The following MTBP variants were observed in gnomAD, a reference collection of about 807,000 sequenced individuals.
The protein encoded by MTBP is mdm2-binding protein.
In MTBP, 101 loss-of-function variants were observed where a neutral mutation model predicts 117.0. That is an observed-to-expected ratio of 0.86 (90% CI 0.73 to 1.02). The LOEUF is 1.02. MTBP is among the 50% of genes least tolerant of loss of function. MTBP has a pLI of 0.00. For missense variants in MTBP, 970 were observed against 1,030.9 expected (o/e 0.94, Z 0.81); for synonymous variants, 350 against 351.5 (o/e 1.00, Z 0.05).
At chr8:120,519,155 G>A (rs1197335333) in intron 20 of MTBP, among the ~76,000 whole-genome samples, 5 of 150,556 alleles carry the variant, frequency 3.3e-5, no homozygotes, top group African/African-American at 1.2e-4. Flanking sequence ...TGCATCCATG[G>A]GTTAACTGCA....
intron 13 of MTBP, 23 bp from the exon 14 acceptor site, chr8:120,497,370 A>G (rs1004846406): frequency 5.7e-6 from 9 of 1,574,014 alleles, no homozygotes; most frequent in Non-Finnish European, 7.7e-6. Flanking sequence ...AAAATAAGTC[A>G]ATTGTATTGA....
chr8:120,489,040 ACTT>A (rs1290579963), intron 12 of MTBP, among the ~76,000 whole-genome samples: 3 of 77,426 alleles, frequency 3.9e-5, no homozygotes, highest in Non-Finnish European at 3.6e-5. Flanking sequence ...GGGCAGACTG[ACTT>A]CTTTTTTTTT....
chr8:120,466,215 T>C (rs1217395451), intron 10 of MTBP, among the ~76,000 whole-genome samples: 3 of 94,530 alleles, frequency 3.2e-5, no homozygotes. Flanking sequence ...TTTACTCTTT[T>C]TTTTTTTTTT....
rs1349841302 is a variant in MTBP at position 120,497,524 on chromosome 8, G to A, written c.1579G>A (p.Asp527Asn). Residue 527 changes from aspartate to asparagine, a missense_variant, in exon 14 of 22, where the codon GAC becomes AAC. Transcript: ENST00000305949. ...VIPKMILRKM[D>N]KIKTFNILND... is the part of the protein sequence containing the mutation. The stretch of plus-strand genomic sequence containing the variant: ...TCCTAAAATGATTCTAAGAAAGATG[G>A]ACAAAATTAAAACCTTCAATATATT... 6.4e-7 allele frequency: 1 copy of A among 1,557,260 alleles called. No homozygotes were observed. The highest frequency in any genetic ancestry group is 8.8e-7 in the Non-Finnish European group (1 of 1,138,126).
chr8:120,473,598 C>A (rs1813869726), intron 11 of MTBP: 2 of 152,054 alleles, frequency 1.3e-5, no homozygotes, highest in Admixed American at 1.3e-4. Flanking sequence ...AGTGTATGAC[C>A]TAACATAGCC....
At chr8:120,468,723 C>A (rs1813751549) in intron 10 of MTBP, among the ~76,000 whole-genome samples, 1 of 152,166 alleles carries the variant, frequency 6.6e-6, no homozygotes, top group Non-Finnish European at 1.5e-5. Context: ...TGCATCTCAT[C>A]GATTTGCTGA....
intron 21 of MTBP, among the ~76,000 whole-genome samples, chr8:120,523,094 G>A (rs1345220419): frequency 6.6e-6 from 1 of 152,118 alleles, no homozygotes; most frequent in African/African-American, 2.4e-5. Flanking sequence ...CATCCAGTGA[G>A]AACATTATTG....
At chr8:120,463,632 T>C (rs1263061983) in intron 9 of MTBP, 60 bp from the exon 10 acceptor site, 1 of 1,305,186 alleles carries the variant, frequency 7.7e-7, no homozygotes, top group Admixed American at 2.2e-5. Flanking sequence ...TGAAACTTAT[T>C]TTAAGGAGTA....
intron 11 of MTBP, chr8:120,472,213 C>G (rs527416258): frequency 6.6e-6 from 1 of 152,176 alleles, no homozygotes; most frequent in East Asian, 1.9e-4. Flanking sequence ...TACAGATTTT[C>G]TATTTTTCTG....
chr8:120,446,631 G>A, intron 2 of MTBP, 118 bp downstream of exon 2: 1 of 647,056 alleles, frequency 1.5e-6, no homozygotes, highest in South Asian at 2.0e-5. Context: ...AAGGCACTGA[G>A]TTACAGAGAT....
intron 13 of MTBP, among the ~76,000 whole-genome samples, chr8:120,491,715 A>G (rs1563798906): frequency 6.6e-6 from 1 of 152,186 alleles, no homozygotes; most frequent in Non-Finnish European, 1.5e-5. Context: ...TTTCCTTGCC[A>G]TATGCCTCTG....
intron 2 of MTBP, among the ~76,000 whole-genome samples, chr8:120,447,548 T>G (rs1440970362): frequency 6.6e-6 from 1 of 152,130 alleles, no homozygotes; most frequent in Non-Finnish European, 1.5e-5. Context: ...ATACACACGG[T>G]CCTTGTTTTG....
chr8:120,511,899 G>T (rs907784854), intron 17 of MTBP, among the ~76,000 whole-genome samples: 4 of 151,918 alleles, frequency 2.6e-5, no homozygotes, highest in Non-Finnish European at 5.9e-5. Flanking sequence ...ATTTTTAACT[G>T]TCACAATATA....
Position 120,497,442 on chromosome 8 carries a change from CAA to C in MTBP, c.1500_1501del (p.Leu502ValfsTer13), listed in dbSNP as rs1814491450. The C allele has an allele frequency of 1.2e-6, 2 of 1,607,666 alleles. No individual in the cohort carries two copies. ...QPETVSVAEL[K>X]SLLVLTRKHF... ...CTGAAACAGTTTCTGTTGCTGAACT[CAA>C]AAGTCTGTTAGTACTCACAAGGAAA... On this transcript the variant is annotated frameshift_variant, in exon 14 of 22. Transcript: ENST00000305949. LOFTEE classifies it high-confidence loss of function.
At chr8:120,473,444 T>C (rs915130124) in intron 11 of MTBP, 3 of 152,188 alleles carry the variant, frequency 2.0e-5, no homozygotes, top group Admixed American at 2.0e-4. Context: ...TAAAGGAGCA[T>C]CAAACTGGGT....
intron 14 of MTBP, among the ~76,000 whole-genome samples, chr8:120,498,882 A>G (rs1814524645): frequency 6.6e-6 from 1 of 152,186 alleles, no homozygotes; most frequent in Non-Finnish European, 1.5e-5. Flanking sequence ...ATAAGGGTTG[A>G]AAGATAGGAA....
intron 17 of MTBP, among the ~76,000 whole-genome samples, chr8:120,512,617 C>T (rs1814835628): frequency 6.6e-6 from 1 of 152,088 alleles, no homozygotes; most frequent in Non-Finnish European, 1.5e-5. Context: ...TATACACATA[C>T]AATGTTATGA....
Position 120,446,505 on chromosome 8 carries a change from C to A in MTBP, c.191C>A (p.Thr64Asn). Residue 64 changes from threonine to asparagine, a missense_variant, in exon 2 of 22, where the codon ACT (threonine) becomes AAT (asparagine). Coordinates refer to ENST00000305949, the MANE Select transcript of MTBP (RefSeq NM_022045.5). ...ISASINPEDS[T>N]FPACSVGGIP... ...GCTTCAATTAATCCAGAAGATAGTA[C>A]TTTCCCTGGTAAGTATAATAAACTC... 1.3e-6 allele frequency: 2 copies of A among 1,566,384 alleles called. No individual in the cohort carries two copies. Among genetic ancestry groups the A allele is most frequent in the Non-Finnish European group, 1.8e-6 (2 of 1,137,072 alleles).
chr8:120,491,062 C>T (rs974864801), intron 13 of MTBP, among the ~76,000 whole-genome samples: 1 of 151,936 alleles, frequency 6.6e-6, no homozygotes, highest in Non-Finnish European at 1.5e-5. Flanking sequence ...ATAGATTTAT[C>T]TTATTCAGAA....
Sources: gnomAD v4.1 joint callset for allele counts (sites outside exome capture counted in the v4.1 genomes callset) on GRCh38, gnomAD v4.1.1 for gene constraint, MANE v1.5 for transcripts, NCBI Gene and HGNC (gene_info 2026-07-23, HGNC 2026-07-21) for gene names.